COX16: variants seen among roughly 807,000 people sequenced by gnomAD.
COX16 encodes cytochrome c oxidase assembly factor COX16.
A neutral mutation model predicts 15.4 loss-of-function variants in COX16; 12 were observed. The ratio of observed to expected loss-of-function variants is 0.78; its 90% CI spans 0.50 to 1.26. The LOEUF (loss-of-function observed/expected upper bound fraction) is 1.26. Among genes scored for constraint, COX16 ranks in the 50% most tolerant of loss-of-function variants. The pLI is 0.00. For synonymous variants in COX16, 46 were observed against 41.1 expected (o/e 1.12, Z -0.46); for missense variants, 124 against 127.6 (o/e 0.97, Z 0.14).
chr14:70,326,403 G>C lies in COX16; in HGVS notation c.251C>G (p.Pro84Arg). 1.3e-6 allele frequency: 2 copies of C among 1,598,616 alleles called. No individual in the cohort carries two copies. The highest frequency in any genetic ancestry group is 1.7e-6 in the Non-Finnish European group (2 of 1,172,338). Residue 84 changes from proline to arginine, a missense_variant, in exon 4 of 4, where the codon CCC (proline) becomes CGC (arginine). Physicochemically the swap from Pro to Arg is moderately radical, Grantham distance 103. Transcript: ENST00000389912. ...GAGGTCAGGATCTTCCCAAGGCCTG[G>C]GTCCTCGAATATTCTTCCAGTCATC... is the stretch of plus-strand genomic sequence containing the variant. ...KFDDWKNIRG[P>R]RPWEDPDLLQ... is the part of the protein sequence containing the mutation.
In COX16 at chr14:70,355,121, T is replaced by C. The variant is rs368901642; in HGVS notation, c.69+4398A>G. On this transcript the variant is annotated intron_variant, in intron 1 of 3. Coordinates refer to ENST00000389912, the MANE Select transcript of COX16 (RefSeq NM_016468.7). ...ATACCAACCTCTTTCTTTGTTCCTA[T>C]ATGCAGAAAAATTTCTCAAATGAGT... Among the ~76,000 whole-genome samples the C allele has an allele frequency of 7.9e-5, 12 of 152,306 alleles. No individual in the cohort carries two copies. In the East Asian group the frequency reaches 1.7e-3, roughly 22 times the overall value.
rs1049954124 is a variant in COX16 at position 70,325,185 on chromosome 14, C to G, written c.*1148G>C. Reference sequence around the variant, plus strand: ...ATTTATGATTTTATGGCAATTATAACAGGAGTGTTTCAATGGAGACTTTAG... The same window carrying G: ...ATTTATGATTTTATGGCAATTATAAGAGGAGTGTTTCAATGGAGACTTTAG... On this transcript the variant is annotated 3_prime_UTR_variant, in exon 4 of 4. Transcript: ENST00000389912. 2.6e-5 allele frequency: 4 copies of G among 152,102 alleles called. No homozygotes were observed. The highest frequency in any genetic ancestry group is 5.9e-5 in the Non-Finnish European group (4 of 68,028). 9.4% of individuals were successfully genotyped at this position (152,102 alleles called of 1,614,324 possible).
chr14:70,336,825 G>A lies in COX16; in HGVS notation c.141+5833C>T, dbSNP rs147362943. 4.0e-3 allele frequency among the ~76,000 whole-genome samples: 602 copies of A among 152,154 alleles called. 6 individuals are homozygous for A. Among genetic ancestry groups the A allele is most frequent in the African/African-American group, 0.014 (573 of 41,504 alleles). On this transcript the variant is annotated intron_variant, in intron 2 of 3. Coordinates refer to ENST00000389912, the MANE Select transcript of COX16 (RefSeq NM_016468.7). The stretch of plus-strand genomic sequence containing the variant: ...TAATGCTTTGATAAACTTTCTTCCT[G>A]TATCTTTATTTTCTGTACAAAATTT...
intron 2 of COX16, among the ~76,000 whole-genome samples, chr14:70,341,585 A>G (rs577717725): frequency 6.6e-6 from 1 of 152,334 alleles, no homozygotes; most frequent in South Asian, 2.1e-4. Flanking sequence ...CTAAGTAGCC[A>G]TGTGACCTTA....
At chr14:70,350,554 T>C (rs945929509) in intron 1 of COX16, among the ~76,000 whole-genome samples, 2 of 152,218 alleles carry the variant, frequency 1.3e-5, no homozygotes, top group East Asian at 3.8e-4. Context: ...CTAAGAGTTA[T>C]CTTCTCCTAT....
At chr14:70,343,894 G>A (rs888644479) in intron 1 of COX16, among the ~76,000 whole-genome samples, 3 of 152,186 alleles carry the variant, frequency 2.0e-5, no homozygotes, top group Admixed American at 6.5e-5. Context: ...TGTGGAAACC[G>A]GAGTTTTATT....
intron 1 of COX16, among the ~76,000 whole-genome samples, chr14:70,344,713 C>G (rs375755847): frequency 1.1e-3 from 167 of 152,234 alleles, no homozygotes; most frequent in African/African-American, 3.8e-3. Flanking sequence ...CTTCTCAGGC[C>G]CAGTCCCAAG....
intron 2 of COX16, among the ~76,000 whole-genome samples, chr14:70,335,864 TATATAATTCCACTG>T (rs1886436662): frequency 6.6e-6 from 1 of 152,182 alleles, no homozygotes; most frequent in African/African-American, 2.4e-5. Flanking sequence ...CAAAAGAATA[TATATAATTCCACTG>T]ATATAAAATT....
intron 1 of COX16, among the ~76,000 whole-genome samples, chr14:70,354,614 T>C (rs1389049954): frequency 6.6e-6 from 1 of 152,252 alleles, no homozygotes; most frequent in Admixed American, 6.5e-5. Context: ...ACAGAAGCTC[T>C]GCATGCAGGA....
rs183873717 is a variant in COX16, at chr14:70,336,839, T to C, written c.141+5819A>G. ...ACTTTCTTCCTGTATCTTTATTTTC[T>C]GTACAAAATTTATCCAATAATCTAA... On this transcript the variant is annotated intron_variant, in intron 2 of 3. Transcript: ENST00000389912. Among the ~76,000 whole-genome samples, 16 of 152,380 alleles carry C rather than the reference T, an allele frequency of 1.1e-4. No individual in the cohort carries two copies. In the East Asian group the frequency reaches 2.5e-3, roughly 24 times the overall value.
intron 3 of COX16, 68 bp from the exon 4 acceptor site, chr14:70,326,517 A>G: frequency 1.6e-6 from 2 of 1,253,964 alleles, no homozygotes; most frequent in South Asian, 3.8e-5. Flanking sequence ...TTAGGACACA[A>G]CTAACTCAAT....
chr14:70,333,405 CAG>C (rs1329086876), intron 2 of COX16, among the ~76,000 whole-genome samples: 1 of 152,048 alleles, frequency 6.6e-6, no homozygotes, highest in South Asian at 2.1e-4. Flanking sequence ...AAAAATCAAA[CAG>C]AAATCCTGGA....
intron 1 of COX16, among the ~76,000 whole-genome samples, chr14:70,344,073 A>T (rs1352375613): frequency 6.6e-6 from 1 of 152,174 alleles, no homozygotes; most frequent in Admixed American, 6.5e-5. Context: ...GGGATGGCAG[A>T]ACTGGTTGAG....
intron 1 of COX16, among the ~76,000 whole-genome samples, chr14:70,350,427 C>T (rs1475742669): frequency 1.3e-5 from 2 of 152,108 alleles, no homozygotes; most frequent in African/African-American, 4.8e-5. Flanking sequence ...TGCTCCATAC[C>T]GCCTCAGTGT....
intron 2 of COX16, among the ~76,000 whole-genome samples, chr14:70,339,134 G>C (rs1347066109): frequency 6.6e-6 from 1 of 152,146 alleles, no homozygotes; most frequent in African/African-American, 2.4e-5. Flanking sequence ...CAAAGTCGAA[G>C]ACTTACTGCT....
In COX16 at chr14:70,325,156, G is replaced by A. The variant is rs1594902033; in HGVS notation, c.*1177C>T. On this transcript the variant is annotated 3_prime_UTR_variant, in exon 4 of 4. Transcript: ENST00000389912. ...TTTTGACTAGGAGGAGAAAGGGGGA[G>A]TGGATTTATGATTTTATGGCAATTA... 6.6e-6 allele frequency: 1 copy of A among 152,184 alleles called. No individual in the cohort carries two copies. Among genetic ancestry groups the A allele is most frequent in the Non-Finnish European group, 1.5e-5 (1 of 68,046 alleles). 9.4% of individuals were successfully genotyped at this position (152,184 alleles called of 1,614,324 possible).
At chr14:70,359,393 C>G (rs1368939800) in intron 1 of COX16, 126 bp downstream of exon 1, 6 of 818,980 alleles carry the variant, frequency 7.3e-6, no homozygotes, top group African/African-American at 1.7e-5. Context: ...CTCACCCCGT[C>G]GCTAGCTCCT....
At chr14:70,342,390 G>A (rs897740988) in intron 2 of COX16, among the ~76,000 whole-genome samples, 4 of 152,188 alleles carry the variant, frequency 2.6e-5, no homozygotes, top group Non-Finnish European at 4.4e-5. Context: ...AGGTTGCAGT[G>A]AACCAGGATA....
intron 1 of COX16, among the ~76,000 whole-genome samples, chr14:70,345,446 CCT>C (rs1286485663): frequency 1.3e-5 from 2 of 151,690 alleles, no homozygotes; most frequent in Non-Finnish European, 2.9e-5. Flanking sequence ...CTGAGCCTAC[CCT>C]CTGTTATGGG....
Sources: allele counts gnomAD v4.1 joint callset (sites outside exome capture counted in the v4.1 genomes callset), GRCh38; gene constraint gnomAD v4.1.1; transcripts MANE v1.5; gene names NCBI Gene and HGNC (gene_info 2026-07-23, HGNC 2026-07-21).